Variants in ARL2BP observed in about 807,000 individuals in gnomAD.
ARL2BP encodes the protein ADP-ribosylation factor-like protein 2-binding protein.
Under a neutral mutation model 24.2 loss-of-function variants are expected in ARL2BP, and 19 were observed. The ratio of observed to expected loss-of-function variants is 0.79; its 90% CI spans 0.55 to 1.15. ARL2BP has a LOEUF of 1.15. Ranked by LOEUF, ARL2BP falls within the 50% of genes most tolerant of loss-of-function variation. The pLI, the probability that ARL2BP is intolerant of heterozygous loss-of-function variation, is 0.00. For missense variants in ARL2BP, 160 were observed against 190.4 expected (o/e 0.84, Z 0.94); for synonymous variants, 56 against 70.5 (o/e 0.79, Z 1.03).
chr16:57,246,555 C>T (rs1284753463), intron 2 of ARL2BP, among the ~76,000 whole-genome samples: 1 of 152,200 alleles, frequency 6.6e-6, no homozygotes, highest in African/African-American at 2.4e-5. Context: ...GTAATCCCAG[C>T]ACTTTGGGAG....
chr16:57,250,249 CCCTGCACT>C, intron 4 of ARL2BP, 154 bp from the exon 5 acceptor site: 1 of 644,678 alleles, frequency 1.6e-6, no homozygotes, highest in Non-Finnish European at 2.7e-6. Flanking sequence ...ATAATTGCAC[CCCTGCACT>C]CCTGCCTGGG....
rs367583081 is a variant in ARL2BP, at chr16:57,252,098, C to T, written c.391-68C>T. The T allele has an allele frequency of 1.7e-4, 247 of 1,436,362 alleles. 1 individual carries two copies. In the East Asian group the frequency reaches 3.5e-3, roughly 21 times the overall value. The allele number at this position is 1,436,362 out of a possible 1,614,324, so 89.0% of individuals were successfully genotyped here. ...GTTCCCACCTTCAGCTCTGCCTTCC[C>T]CATGTCAGAGGCAAGATTCCAAGCC... On this transcript the variant is annotated intron_variant, in intron 5 of 5. Coordinates refer to ENST00000219204, the MANE Select transcript of ARL2BP (RefSeq NM_012106.4).
intron 2 of ARL2BP, among the ~76,000 whole-genome samples, chr16:57,247,094 G>A (rs369880826): frequency 9.9e-5 from 15 of 152,258 alleles, no homozygotes; most frequent in East Asian, 9.6e-4. Context: ...GGTGTTATTG[G>A]CTGTATGGCT....
At chr16:57,245,994 C>T (rs1463163195) in intron 1 of ARL2BP, 86 bp from the exon 2 acceptor site, 9 of 1,317,244 alleles carry the variant, frequency 6.8e-6, no homozygotes, top group Middle Eastern at 1.8e-4. Context: ...TCTTTTTTCT[C>T]TTGTGCATGT....
rs540764053 is a variant in ARL2BP at position 57,252,340 on chromosome 16, A to C, written c.*73A>C. 4 of 1,612,300 alleles carry C rather than the reference A, an allele frequency of 2.5e-6. No homozygotes were observed. Among genetic ancestry groups the C allele is most frequent in the Non-Finnish European group, 1.7e-6 (2 of 1,179,518 alleles). On this transcript the variant is annotated 3_prime_UTR_variant, in exon 6 of 6. Coordinates refer to ENST00000219204, the MANE Select transcript of ARL2BP (RefSeq NM_012106.4). ...CAATAGGCTCAGCTCATGATGACAG[A>C]ACACATCTTGGAAAGACTGACTCTG... is the stretch of plus-strand genomic sequence containing the variant.
intron 5 of ARL2BP, chr16:57,251,392 C>T (rs2075407146): frequency 1.3e-5 from 2 of 150,856 alleles, no homozygotes; most frequent in South Asian, 4.2e-4. Context: ...CAGAGTCAGA[C>T]CCTGTGTCAA....
intron 1 of ARL2BP, chr16:57,245,780 C>T: frequency 2.0e-6 from 1 of 502,354 alleles, no homozygotes; most frequent in South Asian, 2.7e-5. Flanking sequence ...AGGTGTTTCG[C>T]CCGTGCCGGG....
intron 2 of ARL2BP, among the ~76,000 whole-genome samples, chr16:57,246,629 T>C (rs1252922722): frequency 6.6e-6 from 1 of 151,984 alleles, no homozygotes; most frequent in Non-Finnish European, 1.5e-5. Context: ...GGTGAAACCC[T>C]GTCTCTACTA....
At chr16:57,250,317 G>C in intron 4 of ARL2BP, 94 bp from the exon 5 acceptor site, 3 of 1,085,590 alleles carry the variant, frequency 2.8e-6, no homozygotes, top group Non-Finnish European at 4.2e-6. Flanking sequence ...AATAATGCGG[G>C]GGGTGGGGCT....
In ARL2BP at chr16:57,252,369, T is replaced by C. The variant is rs2075411253; in HGVS notation, c.*102T>C. The C allele has an allele frequency of 1.3e-6, 2 of 1,595,052 alleles. No individual in the cohort carries two copies. The highest frequency in any genetic ancestry group is 1.7e-6 in the Non-Finnish European group (2 of 1,171,912). ...CATCTTGGAAAGACTGACTCTGTTA[T>C]GTAACTCTTCATTTATGTTAAGTAT... On this transcript the variant is annotated 3_prime_UTR_variant, in exon 6 of 6. Transcript: ENST00000219204.
At chr16:57,249,582 C>T (rs1166403636) in intron 3 of ARL2BP, 185 bp from the exon 4 acceptor site, 2 of 597,416 alleles carry the variant, frequency 3.3e-6, no homozygotes, top group Admixed American at 2.9e-5. Context: ...TTCTCTTCCA[C>T]ACCAGGCTGA....
chr16:57,252,052 C>CT, intron 5 of ARL2BP, 114 bp from the exon 6 acceptor site: 1 of 787,074 alleles, frequency 1.3e-6, no homozygotes, highest in Non-Finnish European at 2.1e-6. Flanking sequence ...TGTTCCCTTC[C>CT]TATGTACTCT....
rs1450071822 is a variant in ARL2BP, at chr16:57,250,406, T to G, written c.294-5T>G. ...TCACGAAACAGCCATCTGTTCCGTT[T>G]GCAGGCACCATAAGGATGAAGTGGC... On this transcript the variant is annotated splice_region_variant and splice_polypyrimidine_tract_variant and intron_variant, in intron 4 of 5. Coordinates refer to ENST00000219204, the MANE Select transcript of ARL2BP (RefSeq NM_012106.4). 6.2e-7 allele frequency: 1 copy of G among 1,613,816 alleles called. No homozygotes were observed. Among genetic ancestry groups the G allele is most frequent in the South Asian group, 1.1e-5 (1 of 91,074 alleles).
At position 57,250,469 on chromosome 16, in the gene ARL2BP, T is replaced by A. The variant is rs1243871506; in HGVS notation, c.352T>A (p.Phe118Ile). 7.4e-6 allele frequency: 12 copies of A among 1,614,070 alleles called. No homozygotes were observed. Among genetic ancestry groups the A allele is most frequent in the Admixed American group, 1.7e-5 (1 of 59,998 alleles). ...IFDMLLTFTD[F>I]LAFKEMFLDY... ...CGACATGCTGCTCACCTTCACAGAT[T>A]TTCTGGCTTTTAAAGAAATGTTTTT... The change falls in exon 5 of 6, where the codon TTT (phenylalanine) becomes ATT (isoleucine). Residue 118 changes from phenylalanine (F) to isoleucine (I), a missense_variant. By Grantham distance (21) the Phe-to-Ile change is conservative. Transcript: ENST00000219204.
Position 57,250,733 on chromosome 16 carries a change from C to T in ARL2BP, c.390+226C>T, listed in dbSNP as rs536770437. 79 of 537,856 alleles carry T rather than the reference C, an allele frequency of 1.5e-4. No homozygotes were observed. The South Asian group carries it at 1.7e-3, about 11-fold the overall frequency. The allele number at this position is 537,856 out of a possible 1,614,324, so 33.3% of individuals were successfully genotyped here. A position where few individuals can be genotyped will look rare whatever the true frequency, so the allele number is the denominator to read the frequency against. ...GAGTTCCTAATCAGAAGGACAAAAC[C>T]GAAAAAGCAGGTCTCAGGTCTCATT... On this transcript the variant is annotated intron_variant, in intron 5 of 5. Coordinates refer to ENST00000219204, the MANE Select transcript of ARL2BP (RefSeq NM_012106.4).
In ARL2BP at chr16:57,253,348, C is replaced by CTGTT. The variant is rs1436945170; in HGVS notation, c.*1085_*1088dup. ...AGCAGGTAGAGCACAGCTTTACTGG[C>CTGTT]TGTTTGTATGCTTTGGTTTAGTGCA... On this transcript the variant is annotated 3_prime_UTR_variant, in exon 6 of 6. Coordinates refer to ENST00000219204, the MANE Select transcript of ARL2BP (RefSeq NM_012106.4). 2.0e-5 allele frequency: 3 copies of CTGTT among 152,134 alleles called. No individual in the cohort carries two copies. The highest frequency in any genetic ancestry group is 7.2e-5 in the African/African-American group (3 of 41,420). The allele number at this position is 152,134 out of a possible 1,614,324, so 9.4% of individuals were successfully genotyped here.
intron 1 of ARL2BP, chr16:57,245,758 A>C (rs1597951432): frequency 2.0e-5 from 9 of 455,962 alleles, no homozygotes; most frequent in Non-Finnish European, 3.1e-5. Flanking sequence ...TGACCAAATG[A>C]CCCCCCCCGG....
At position 57,252,268 on chromosome 16, in the gene ARL2BP, G is replaced by T; in HGVS notation, c.*1G>T. The T allele has an allele frequency of 6.2e-7, 1 of 1,614,136 alleles. No individual in the cohort carries two copies. Among genetic ancestry groups the T allele is most frequent in the Non-Finnish European group, 8.5e-7 (1 of 1,180,020 alleles). On this transcript the variant is annotated 3_prime_UTR_variant, in exon 6 of 6. Transcript: ENST00000219204. The stretch of plus-strand genomic sequence containing the variant: ...TTCCCAGAACAATCTGCGGCACTAG[G>T]TCCTACCTCCAGCCAATGAATGGGA...
chr16:57,248,042 G>C (rs542088960), intron 2 of ARL2BP, among the ~76,000 whole-genome samples: 22 of 152,050 alleles, frequency 1.4e-4, no homozygotes, highest in African/African-American at 5.1e-4. Flanking sequence ...GGCTGGGTGC[G>C]GTGGCTCACA....
Sources: gnomAD v4.1 joint callset for allele counts (sites outside exome capture counted in the v4.1 genomes callset) on GRCh38, gnomAD v4.1.1 for gene constraint, MANE v1.5 for transcripts, NCBI Gene and HGNC (gene_info 2026-07-23, HGNC 2026-07-21) for gene names.